Variants in CAP2 observed in about 807,000 individuals in gnomAD.
CAP2 encodes adenylyl cyclase-associated protein 2.
Under a neutral mutation model 57.7 loss-of-function variants are expected in CAP2, and 24 were observed. That is an observed-to-expected ratio of 0.42 (90% CI 0.30 to 0.58). The LOEUF is 0.58. CAP2 is among the 20% of genes least tolerant of loss of function. CAP2 has a pLI of 0.22. For synonymous variants in CAP2, 194 were observed against 207.2 expected, an observed-to-expected ratio of 0.94 and a Z score of 0.55; for missense variants, 501 against 590.3, an observed-to-expected ratio of 0.85 and a Z score of 1.57.
At chr6:17,556,210 C>A in intron 12 of CAP2, 149 bp from the exon 13 acceptor site, 1 of 620,640 alleles carries the variant, frequency 1.6e-6, no homozygotes, top group Non-Finnish European at 2.9e-6. Flanking sequence ...GTGACAAAGA[C>A]CTCCCCATGA....
At chr6:17,424,401 C>T (rs1759529635) in intron 2 of CAP2, among the ~76,000 whole-genome samples, 1 of 151,404 alleles carries the variant, frequency 6.6e-6, no homozygotes, top group South Asian at 2.1e-4. Flanking sequence ...GACTCCGTCT[C>T]AAAAAAAAGA....
chr6:17,542,693 C>T (rs990553047), intron 9 of CAP2, 144 bp from the exon 10 acceptor site: 1 of 678,080 alleles, frequency 1.5e-6, no homozygotes, highest in East Asian at 2.6e-5. Context: ...CAGAGTAAGA[C>T]CTGTGGTTTC....
chr6:17,504,727 A>C (rs1378775253), intron 4 of CAP2, among the ~76,000 whole-genome samples: 1 of 151,904 alleles, frequency 6.6e-6, no homozygotes, highest in East Asian at 1.9e-4. Context: ...ACACACAAAC[A>C]CACACACACA....
intron 2 of CAP2, among the ~76,000 whole-genome samples, chr6:17,423,981 T>C (rs1328908942): frequency 2.0e-5 from 3 of 152,222 alleles, no homozygotes; most frequent in African/African-American, 4.8e-5. Context: ...TTAGTAAGTT[T>C]TGACAATTTT....
In CAP2 at chr6:17,500,855, A is replaced by G. The variant is rs557112848; in HGVS notation, c.301-6314A>G. Among the ~76,000 whole-genome samples the G allele has an allele frequency of 1.4e-4, 22 of 152,342 alleles. No homozygotes were observed. In the South Asian group the frequency reaches 4.3e-3, roughly 30 times the overall value. ...CATTTTCTGTGCTGTGCACTCACAC[A>G]CATACACACATGCATCCAAATGGAA... is the stretch of plus-strand genomic sequence containing the variant. On this transcript the variant is annotated intron_variant, in intron 4 of 12. Transcript: ENST00000229922.
chr6:17,525,044 G>A (rs565107714), intron 7 of CAP2, among the ~76,000 whole-genome samples: 28 of 151,842 alleles, frequency 1.8e-4, no homozygotes, highest in Admixed American at 9.2e-4. Context: ...CTACAGGTGC[G>A]CGCCACCACA....
At chr6:17,476,314 C>T (rs1761149402) in intron 4 of CAP2, among the ~76,000 whole-genome samples, 1 of 152,200 alleles carries the variant, frequency 6.6e-6, no homozygotes. Flanking sequence ...CTATCTGAAG[C>T]TGATGATGGA....
chr6:17,479,688 T>C (rs548367922), intron 4 of CAP2, among the ~76,000 whole-genome samples: 18 of 148,188 alleles, frequency 1.2e-4, no homozygotes, highest in Admixed American at 2.7e-4. Context: ...CTCGGCTCAC[T>C]GCCAGCTCCG....
rs181838928 is a variant in CAP2, at chr6:17,438,682, G to A, written c.222+11992G>A. The stretch of plus-strand genomic sequence containing the variant: ...TCTCAATCTCCTGACCTTGTGATCC[G>A]CCCACCTCGGCCTCCCAAAGTGCTG... On this transcript the variant is annotated intron_variant, in intron 3 of 12. Transcript: ENST00000229922. Among the ~76,000 whole-genome samples, 316 of 148,174 alleles carry A rather than the reference G, an allele frequency of 2.1e-3. 13 individuals carry two copies. Among genetic ancestry groups the A allele is most frequent in the African/African-American group, 7.6e-3 (303 of 39,666 alleles).
chr6:17,554,202 G>A (rs1464587951), intron 12 of CAP2, among the ~76,000 whole-genome samples: 1 of 152,102 alleles, frequency 6.6e-6, no homozygotes, highest in Admixed American at 6.6e-5. Flanking sequence ...GACCCCCCGG[G>A]CTCAATCGAT....
chr6:17,520,495 A>T (rs1762366474), intron 7 of CAP2, among the ~76,000 whole-genome samples: 1 of 152,182 alleles, frequency 6.6e-6, no homozygotes, highest in Admixed American at 6.6e-5. Context: ...CTGAACCTCC[A>T]GGAAAATGCA....
At chr6:17,410,600 A>G (rs1348990402) in intron 1 of CAP2, among the ~76,000 whole-genome samples, 2 of 150,858 alleles carry the variant, frequency 1.3e-5, no homozygotes, top group African/African-American at 2.5e-5. Flanking sequence ...GACGGAGTCC[A>G]GAGCTGGAGT....
At chr6:17,510,717 A>G (rs990257645) in intron 6 of CAP2, among the ~76,000 whole-genome samples, 3 of 152,236 alleles carry the variant, frequency 2.0e-5, no homozygotes, top group African/African-American at 4.8e-5. Flanking sequence ...CCAAACCTGG[A>G]TATCATATGA....
intron 9 of CAP2, among the ~76,000 whole-genome samples, chr6:17,542,322 G>A (rs955446874): frequency 6.6e-6 from 1 of 152,126 alleles, no homozygotes; most frequent in East Asian, 1.9e-4. Flanking sequence ...CACTGCCCGG[G>A]CTAAGTGTGT....
At chr6:17,545,502 T>A (rs1277529649) in intron 11 of CAP2, among the ~76,000 whole-genome samples, 29 of 152,356 alleles carry the variant, frequency 1.9e-4, no homozygotes. Context: ...TATGTCTACC[T>A]AAAAATTTAA....
intron 1 of CAP2, among the ~76,000 whole-genome samples, chr6:17,402,489 G>A (rs192519979): frequency 5.6e-4 from 85 of 152,096 alleles, no homozygotes; most frequent in African/African-American, 2.0e-3. Context: ...AAAAAGTGAA[G>A]GCCAGTCTAA....
intron 1 of CAP2, among the ~76,000 whole-genome samples, chr6:17,413,774 C>T (rs1040995096): frequency 6.6e-6 from 1 of 152,124 alleles, no homozygotes; most frequent in Non-Finnish European, 1.5e-5. Context: ...TAACAATTGG[C>T]CAGACGCAGT....
At chr6:17,450,963 C>T (rs181646816) in intron 3 of CAP2, among the ~76,000 whole-genome samples, 2 of 152,218 alleles carry the variant, frequency 1.3e-5, no homozygotes, top group East Asian at 1.9e-4. Flanking sequence ...CTTGTCTTTA[C>T]GATTTAATGG....
At chr6:17,526,985 A>G (rs936588243) in intron 7 of CAP2, among the ~76,000 whole-genome samples, 1 of 149,416 alleles carries the variant, frequency 6.7e-6, no homozygotes, top group African/African-American at 2.5e-5. Flanking sequence ...AAAAGAACAC[A>G]TAGGCAAGCC....
Sources: gnomAD v4.1 joint callset for allele counts (sites outside exome capture counted in the v4.1 genomes callset) on GRCh38, gnomAD v4.1.1 for gene constraint, MANE v1.5 for transcripts, NCBI Gene and HGNC (gene_info 2026-07-23, HGNC 2026-07-21) for gene names.